CACNA2D3: variants seen among roughly 807,000 people sequenced by gnomAD.
CACNA2D3 encodes voltage-dependent calcium channel subunit alpha-2/delta-3.
In CACNA2D3, 60 loss-of-function variants were observed where a neutral mutation model predicts 160.6. That is an observed-to-expected ratio of 0.37 (90% confidence interval 0.30 to 0.46). CACNA2D3 has a LOEUF of 0.46. Among genes scored for constraint, CACNA2D3 ranks in the 20% least tolerant of loss-of-function variants. The probability of loss-of-function intolerance (pLI) is 1.00; values close to 1 mark genes in which losing one functional copy is unlikely to be tolerated. For synonymous variants in CACNA2D3, 558 were observed against 492.9 expected (o/e 1.13, Z -1.75); for missense variants, 1,205 against 1,365.0 (o/e 0.88, Z 1.85).
chr3:54,130,477 A>G (rs1395924221), intron 2 of CACNA2D3, among the ~76,000 whole-genome samples: 1 of 152,316 alleles, frequency 6.6e-6, no homozygotes, highest in South Asian at 2.1e-4. Context: ...TGCTTAATCT[A>G]ATAGTAAAAA....
At chr3:54,839,326 G>A (rs570738788) in intron 16 of CACNA2D3, among the ~76,000 whole-genome samples, 7 of 152,244 alleles carry the variant, frequency 4.6e-5, no homozygotes, top group Admixed American at 3.9e-4. Context: ...ATTTCCTGGT[G>A]GGGACTCTTT....
At chr3:54,959,225 C>T (rs1040199334) in intron 27 of CACNA2D3, among the ~76,000 whole-genome samples, 2 of 152,220 alleles carry the variant, frequency 1.3e-5, no homozygotes, top group Non-Finnish European at 1.5e-5. Flanking sequence ...CTGCAGCTCC[C>T]TGGAGACTGC....
chr3:54,838,902 G>A (rs1347753755), intron 16 of CACNA2D3, among the ~76,000 whole-genome samples: 1 of 151,768 alleles, frequency 6.6e-6, no homozygotes, highest in African/African-American at 2.4e-5. Context: ...CTTAAGTTTT[G>A]ACATGATCAT....
rs1278646819 is a variant in CACNA2D3 at position 54,386,619 on chromosome 3, C to T, written c.322-96C>T. 30 of 1,131,040 alleles carry T rather than the reference C, an allele frequency of 2.7e-5. 1 individual carries two copies. Among genetic ancestry groups the T allele is most frequent in the South Asian group, 6.0e-5 (4 of 66,992 alleles). 70.1% of individuals were successfully genotyped at this position (1,131,040 alleles called of 1,614,324 possible). On this transcript the variant is annotated intron_variant, in intron 3 of 37. Coordinates refer to ENST00000474759, the MANE Select transcript of CACNA2D3 (RefSeq NM_018398.3). Reference sequence around the variant, plus strand: ...GCATCAGATCACAATGTATGAACCACGATATAATATGTCACTTTTGGTCAA... The same window carrying T: ...GCATCAGATCACAATGTATGAACCATGATATAATATGTCACTTTTGGTCAA...
intron 4 of CACNA2D3, among the ~76,000 whole-genome samples, chr3:54,442,521 C>T (rs144524677): frequency 6.6e-6 from 1 of 152,292 alleles, no homozygotes; most frequent in African/African-American, 2.4e-5. Flanking sequence ...TAACTGTCCA[C>T]TTGTGAACAT....
chr3:54,919,739 A>T (rs1210173117), intron 27 of CACNA2D3, among the ~76,000 whole-genome samples: 1 of 152,210 alleles, frequency 6.6e-6, no homozygotes, highest in Non-Finnish European at 1.5e-5. Flanking sequence ...CTGCCATGAA[A>T]ACATGCTATT....
rs71096452 is a variant in CACNA2D3 at position 54,821,697 on chromosome 3, T to TTTCCTTCCTTCCTTCC, written c.1398+4842_1398+4843insCTTCCTTCCTTCCTTC. ...CTTTCTTTCTTTCTTTCTTTCTTTC[T>TTTCCTTCCTTCCTTCC]TTCCTTCCTTCCTTCTTTCCTCTCT... On this transcript the variant is annotated intron_variant, in intron 14 of 37. Coordinates refer to ENST00000474759, the MANE Select transcript of CACNA2D3 (RefSeq NM_018398.3). Among the ~76,000 whole-genome samples, 46 of 84,140 alleles carry TTTCCTTCCTTCCTTCC rather than the reference T, an allele frequency of 5.5e-4. No homozygotes were observed. The East Asian group carries it at 8.8e-3, about 16-fold the overall frequency. The allele number at this position is 84,140 out of a possible 152,430, so 55.2% of individuals were successfully genotyped here.
At position 54,584,897 on chromosome 3, in the gene CACNA2D3, C is replaced by T. The variant is rs984805814; in HGVS notation, c.963+3020C>T. Among the ~76,000 whole-genome samples the T allele has an allele frequency of 1.1e-4, 16 of 152,226 alleles. 1 individual carries two copies. In the South Asian group the frequency reaches 2.5e-3, roughly 24 times the overall value. ...TCAAATACTGAAAGAAAAGAACTGCCAACCCAGGATTCTATATCCAGTGAA... is the reference window on the plus strand; with the variant it reads ...TCAAATACTGAAAGAAAAGAACTGCTAACCCAGGATTCTATATCCAGTGAA... On this transcript the variant is annotated intron_variant, in intron 9 of 37. Transcript: ENST00000474759.
chr3:54,124,364 GA>G (rs889206200), intron 2 of CACNA2D3, among the ~76,000 whole-genome samples: 19 of 149,940 alleles, frequency 1.3e-4, no homozygotes, highest in African/African-American at 3.9e-4. Context: ...AGGAAATAAA[GA>G]AAAAAAAATG....
chr3:54,809,379 C>T (rs564691340), intron 13 of CACNA2D3, among the ~76,000 whole-genome samples: 4 of 122,174 alleles, frequency 3.3e-5, no homozygotes, highest in East Asian at 2.4e-4. Flanking sequence ...ACTGCAGTGG[C>T]GCAATCTCGG....
chr3:54,760,556 C>T (rs1199348556), intron 12 of CACNA2D3, among the ~76,000 whole-genome samples: 1 of 152,064 alleles, frequency 6.6e-6, no homozygotes, highest in Non-Finnish European at 1.5e-5. Context: ...GCTGTGACCT[C>T]TTAGACAATC....
At chr3:54,674,123 A>G (rs1000151692) in intron 11 of CACNA2D3, among the ~76,000 whole-genome samples, 16 of 152,208 alleles carry the variant, frequency 1.1e-4, no homozygotes, top group African/African-American at 3.6e-4. Flanking sequence ...GGCTGTTGAA[A>G]CTATTTGGGA....
intron 35 of CACNA2D3, among the ~76,000 whole-genome samples, chr3:55,072,428 A>T (rs2107235556): frequency 6.6e-6 from 1 of 152,324 alleles, no homozygotes; most frequent in East Asian, 1.9e-4. Flanking sequence ...AAAGCAGAAG[A>T]ACTTTTCTTC....
chr3:54,992,399 A>C (rs1702761562), intron 31 of CACNA2D3, among the ~76,000 whole-genome samples: 1 of 152,128 alleles, frequency 6.6e-6, no homozygotes, highest in Non-Finnish European at 1.5e-5. Context: ...CACCCTCCTG[A>C]GTGTGGGCAC....
chr3:54,283,718 G>T (rs1281517556), intron 2 of CACNA2D3, among the ~76,000 whole-genome samples: 1 of 152,144 alleles, frequency 6.6e-6, no homozygotes, highest in Non-Finnish European at 1.5e-5. Flanking sequence ...ACCTGATAAC[G>T]ACAGTGTTGT....
intron 2 of CACNA2D3, among the ~76,000 whole-genome samples, chr3:54,157,935 G>A (rs2107292510): frequency 6.6e-6 from 1 of 152,240 alleles, no homozygotes; most frequent in Non-Finnish European, 1.5e-5. Flanking sequence ...GTTCTTTGGG[G>A]GAGGTAGGAG....
intron 2 of CACNA2D3, among the ~76,000 whole-genome samples, chr3:54,285,444 G>A (rs1335215816): frequency 6.6e-6 from 1 of 152,142 alleles, no homozygotes; most frequent in Admixed American, 6.5e-5. Flanking sequence ...GCTCGAACTG[G>A]GTGGAGCCCA....
rs1433534323 is a variant in CACNA2D3 at position 54,642,108 on chromosome 3, G to A, written c.1054-20G>A. On this transcript the variant is annotated intron_variant, in intron 10 of 37. Transcript: ENST00000474759. ...AATTCTCTGATATGTATACTATTTT[G>A]AACTTATTTCTTTCCCTAGTTCAAC... The A allele has an allele frequency of 6.6e-7, 1 of 1,522,838 alleles. No individual in the cohort carries two copies. Among genetic ancestry groups the A allele is most frequent in the Non-Finnish European group, 9.0e-7 (1 of 1,105,244 alleles). 94.3% of individuals were successfully genotyped at this position (1,522,838 alleles called of 1,614,324 possible).
At chr3:54,599,895 C>G (rs1196005417) in intron 9 of CACNA2D3, among the ~76,000 whole-genome samples, 1 of 152,196 alleles carries the variant, frequency 6.6e-6, no homozygotes, top group Non-Finnish European at 1.5e-5. Flanking sequence ...GGGTGGCTGC[C>G]AGGGTCTCTG....
Sources: gnomAD v4.1 joint callset for allele counts (sites outside exome capture counted in the v4.1 genomes callset) on GRCh38, gnomAD v4.1.1 for gene constraint, MANE v1.5 for transcripts, NCBI Gene and HGNC (gene_info 2026-07-23, HGNC 2026-07-21) for gene names.